The following CCM2 variants were observed in gnomAD, a reference collection of about 807,000 sequenced individuals.
The protein encoded by CCM2 is CCM2 scaffold protein, also known as cerebral cavernous malformations 2 protein.
In CCM2, 25 loss-of-function variants were observed where a neutral mutation model predicts 44.9. That is an observed-to-expected ratio of 0.56 (90% CI 0.41 to 0.78). The LOEUF is 0.78. Among genes scored for constraint, CCM2 ranks in the 30% least tolerant of loss-of-function variants. The probability of loss-of-function intolerance (pLI) is 0.00; values close to 1 mark genes in which losing one functional copy is unlikely to be tolerated. For missense variants in CCM2, 481 were observed against 580.6 expected, an observed-to-expected ratio of 0.83 and a Z score of 1.76; for synonymous variants, 219 against 241.1, an observed-to-expected ratio of 0.91 and a Z score of 0.85.
At chr7:45,074,961 G>A (rs1290425597) in intron 9 of CCM2, among the ~76,000 whole-genome samples, 1 of 152,232 alleles carries the variant, frequency 6.6e-6, no homozygotes, top group Non-Finnish European at 1.5e-5. Flanking sequence ...TTAGAACACA[G>A]CAAGTTTGCG....
At chr7:45,057,835 C>T (rs186855065) in intron 2 of CCM2, among the ~76,000 whole-genome samples, 1 of 152,348 alleles carries the variant, frequency 6.6e-6, no homozygotes, top group East Asian at 1.9e-4. Context: ...CTTCCATCCT[C>T]ACCTTATGAA....
intron 2 of CCM2, among the ~76,000 whole-genome samples, chr7:45,062,362 T>C (rs1457898927): frequency 6.6e-6 from 1 of 152,208 alleles, no homozygotes; most frequent in East Asian, 1.9e-4. Flanking sequence ...GTTGGTAAGA[T>C]GCAGGCAGGA....
At chr7:45,069,755 A>G in intron 5 of CCM2, 71 bp from the exon 6 acceptor site, 2 of 1,595,370 alleles carry the variant, frequency 1.3e-6, no homozygotes, top group Non-Finnish European at 1.7e-6. Flanking sequence ...TGCCCCAGGT[A>G]TCCTGGAAGC....
In CCM2 at chr7:45,072,683, A is replaced by T. The variant is rs191849560; in HGVS notation, c.746-43A>T. 28 of 1,511,068 alleles carry T rather than the reference A, an allele frequency of 1.9e-5. No individual in the cohort carries two copies. The Admixed American group carries it at 3.0e-4, about 16-fold the overall frequency. 93.6% of individuals were successfully genotyped at this position (1,511,068 alleles called of 1,614,324 possible). A position where few individuals can be genotyped will look rare whatever the true frequency, so the allele number is the denominator to read the frequency against. On this transcript the variant is annotated intron_variant, in intron 6 of 9. Transcript: ENST00000258781. ...GCTGGACTCAAAATGCCTCCCCACT[A>T]TGTCCCTGAAAGTCATCTTAGTTTT...
chr7:45,075,718 A>G (rs1784202426), intron 9 of CCM2, 59 bp from the exon 10 acceptor site: 6 of 1,609,696 alleles, frequency 3.7e-6, no homozygotes, highest in East Asian at 2.2e-5. Flanking sequence ...GCCCTGAGAG[A>G]AGAGCTGAGT....
intron 1 of CCM2, among the ~76,000 whole-genome samples, chr7:45,004,684 T>A (rs1795774628): frequency 6.6e-6 from 1 of 152,192 alleles, no homozygotes; most frequent in Non-Finnish European, 1.5e-5. Context: ...CGCTCTGATT[T>A]TTTAATTCTA....
chr7:45,064,671 G>A (rs550554954), intron 4 of CCM2, 25 bp downstream of exon 4: 2 of 1,612,962 alleles, frequency 1.2e-6, no homozygotes, highest in East Asian at 2.2e-5. Context: ...GGGTCAGGAG[G>A]GTCCTTGTCC....
At chr7:45,011,720 T>G (rs1796074476) in intron 1 of CCM2, among the ~76,000 whole-genome samples, 1 of 151,996 alleles carries the variant, frequency 6.6e-6, no homozygotes, top group Non-Finnish European at 1.5e-5. Context: ...CCTGGCTAAT[T>G]TTTGTATTTT....
chr7:45,051,857 G>A (rs1219912204), intron 2 of CCM2, among the ~76,000 whole-genome samples: 3 of 150,256 alleles, frequency 2.0e-5, no homozygotes, highest in Non-Finnish European at 3.0e-5. Flanking sequence ...CACTGCGCCC[G>A]GCCACGCCTG....
intron 1 of CCM2, among the ~76,000 whole-genome samples, chr7:45,001,921 G>A (rs1182309251): frequency 6.6e-6 from 1 of 152,182 alleles, no homozygotes; most frequent in Admixed American, 6.5e-5. Flanking sequence ...TTGTTATGTA[G>A]TTGCTTAAGC....
At chr7:45,037,006 C>T (rs1797252577) in intron 1 of CCM2, among the ~76,000 whole-genome samples, 1 of 152,062 alleles carries the variant, frequency 6.6e-6, no homozygotes, top group African/African-American at 2.4e-5. Flanking sequence ...CACTCTTAGT[C>T]ACGGCTCTGG....
intron 3 of CCM2, among the ~76,000 whole-genome samples, 170 bp from the exon 4 acceptor site, chr7:45,064,293 A>T (rs947904913): frequency 6.6e-6 from 1 of 152,238 alleles, no homozygotes; most frequent in African/African-American, 2.4e-5. Flanking sequence ...AATGGTTTGA[A>T]CACATTGGTG....
intron 1 of CCM2, chr7:45,029,607 A>G (rs1028769506): frequency 6.6e-6 from 1 of 152,266 alleles, no homozygotes; most frequent in Non-Finnish European, 1.5e-5. Context: ...CTCCTTGTAA[A>G]TTAATAAACA....
chr7:45,036,356 C>T (rs1253787801), intron 1 of CCM2, among the ~76,000 whole-genome samples: 1 of 152,168 alleles, frequency 6.6e-6, no homozygotes, highest in East Asian at 1.9e-4. Context: ...AAGAAGGAAG[C>T]TGAGGAGCAG....
chr7:45,027,637 C>A, intron 1 of CCM2: 1 of 1,613,406 alleles, frequency 6.2e-7, no homozygotes, highest in South Asian at 1.1e-5. Context: ...CCTGTTCAGT[C>A]ATGTTTTTTT....
intron 1 of CCM2, chr7:45,027,226 A>G (rs1796728060): frequency 7.3e-6 from 2 of 273,148 alleles, no homozygotes; most frequent in South Asian, 3.8e-5. Context: ...AAATGGGGTA[A>G]CTGGAACAGC....
chr7:45,038,088 C>T (rs1797312798), intron 1 of CCM2, among the ~76,000 whole-genome samples, 165 bp from the exon 2 acceptor site: 1 of 152,216 alleles, frequency 6.6e-6, no homozygotes. Flanking sequence ...TGTGGTCCCT[C>T]AGGCTTGTGT....
chr7:45,055,661 C>G (rs1408264618), intron 2 of CCM2, among the ~76,000 whole-genome samples: 1 of 152,202 alleles, frequency 6.6e-6, no homozygotes, highest in East Asian at 1.9e-4. Flanking sequence ...GCACTCCAGC[C>G]TAGGTGACAG....
Position 45,004,976 on chromosome 7 carries a change from A to G in CCM2, c.30+4613A>G, listed in dbSNP as rs1401062686. 2.8e-5 allele frequency among the ~76,000 whole-genome samples: 4 copies of G among 143,598 alleles called. No homozygotes were observed. In the Admixed American group the frequency reaches 2.8e-4, roughly 10 times the overall value. 94.2% of individuals were successfully genotyped at this position (143,598 alleles called of 152,430 possible). A position where few individuals can be genotyped will look rare whatever the true frequency, so the allele number is the denominator to read the frequency against. ...GTGCCATTGCGCTCCAGCCTGGGCGACAAGAGTAAGACTCCGTCTCAAAAA... is the reference window on the plus strand; with the variant it reads ...GTGCCATTGCGCTCCAGCCTGGGCGGCAAGAGTAAGACTCCGTCTCAAAAA... On this transcript the variant is annotated intron_variant, in intron 1 of 9. Transcript: ENST00000258781.
Sources: allele counts gnomAD v4.1 joint callset (sites outside exome capture counted in the v4.1 genomes callset), GRCh38; gene constraint gnomAD v4.1.1; transcripts MANE v1.5; gene names NCBI Gene and HGNC (gene_info 2026-07-23, HGNC 2026-07-21).